Variants in PBK observed in about 807,000 individuals in gnomAD.
The protein encoded by PBK is lymphokine-activated killer T-cell-originated protein kinase.
Under a neutral mutation model 33.5 loss-of-function variants are expected in PBK, and 22 were observed. The ratio of observed to expected loss-of-function variants is 0.66; its 90% CI spans 0.47 to 0.94. PBK has a LOEUF of 0.94. Ranked by LOEUF, PBK falls within the 40% of genes least tolerant of loss-of-function variation. PBK has a pLI of 0.00. For missense variants in PBK, 376 were observed against 383.4 expected, an observed-to-expected ratio of 0.98 and a Z score of 0.16; for synonymous variants, 129 against 123.8, an observed-to-expected ratio of 1.04 and a Z score of -0.28.
intron 6 of PBK, among the ~76,000 whole-genome samples, chr8:27,817,170 G>A (rs928995792): frequency 1.3e-5 from 2 of 151,858 alleles, no homozygotes; most frequent in East Asian, 1.9e-4. Flanking sequence ...TTTCCCACAC[G>A]CTTAAAAATA....
intron 2 of PBK, among the ~76,000 whole-genome samples, chr8:27,832,606 C>T (rs1457873229): frequency 1.3e-5 from 2 of 152,120 alleles, no homozygotes; most frequent in African/African-American, 4.8e-5. Flanking sequence ...AGAATATTTT[C>T]TCATGTTATT....
At chr8:27,826,756 A>G in intron 3 of PBK, among the ~76,000 whole-genome samples, 1 of 105,370 alleles carries the variant, frequency 9.5e-6, no homozygotes, top group Non-Finnish European at 1.8e-5. Flanking sequence ...AGATCGCGCC[A>G]CTGCACTCCA....
At position 27,816,343 on chromosome 8, in the gene PBK, C is replaced by CTATATATATATATA. The variant is rs767822258; in HGVS notation, c.595+4208_595+4221dup. 1.4e-4 allele frequency among the ~76,000 whole-genome samples: 19 copies of CTATATATATATATA among 136,380 alleles called. 1 individual carries two copies. The highest frequency in any genetic ancestry group is 4.4e-4 in the Admixed American group (6 of 13,678). 89.5% of individuals were successfully genotyped at this position (136,380 alleles called of 152,430 possible). The stretch of plus-strand genomic sequence containing the variant: ...TAAGATTTTGGCTTTTCATCGAATA[C>CTATATATATATATA]TATATATATATATATTTATTTATTT... On this transcript the variant is annotated intron_variant, in intron 6 of 7. Transcript: ENST00000301905.
At chr8:27,820,073 G>T (rs1006550851) in intron 6 of PBK, among the ~76,000 whole-genome samples, 2 of 152,024 alleles carry the variant, frequency 1.3e-5, no homozygotes, top group Admixed American at 1.3e-4. Context: ...GCTGGCTCTT[G>T]TTTCTCACCA....
At chr8:27,833,504 C>T (rs493170) in intron 1 of PBK, among the ~76,000 whole-genome samples, 4,287 of 146,050 alleles carry the variant, frequency 0.029, 84 homozygotes, top group African/African-American at 0.059. Flanking sequence ...AGCAAAACTC[C>T]GTCTCAAAAA....
rs1433152407 is a variant in PBK, at chr8:27,822,491, T to C, written c.296-3A>G. 2 of 1,582,296 alleles carry C rather than the reference T, an allele frequency of 1.3e-6. No homozygotes were observed. The highest frequency in any genetic ancestry group is 1.7e-6 in the Non-Finnish European group (2 of 1,163,876). On this transcript the variant is annotated splice_region_variant and splice_polypyrimidine_tract_variant and intron_variant, in intron 4 of 7. Coordinates refer to ENST00000301905, the MANE Select transcript of PBK (RefSeq NM_018492.4). Reference sequence around the variant, plus strand: ...GGCTTCAGTAAAAGCACGATAACCTTAAAGAAAACATGACATTTCTTCACT... The same window carrying C: ...GGCTTCAGTAAAAGCACGATAACCTCAAAGAAAACATGACATTTCTTCACT...
chr8:27,817,468 T>G (rs1805840357), intron 6 of PBK, among the ~76,000 whole-genome samples: 5 of 152,156 alleles, frequency 3.3e-5, no homozygotes. Flanking sequence ...CCTTGCAGAT[T>G]TAATGTGTTA....
At chr8:27,828,285 T>C in intron 2 of PBK, 87 bp from the exon 3 acceptor site, 1 of 574,564 alleles carries the variant, frequency 1.7e-6, no homozygotes, top group Non-Finnish European at 3.0e-6. Context: ...GCCAAGAGTA[T>C]TAATTGGCAC....
chr8:27,834,265 A>G (rs1806187477), intron 1 of PBK, among the ~76,000 whole-genome samples: 1 of 152,020 alleles, frequency 6.6e-6, no homozygotes, highest in East Asian at 1.9e-4. Context: ...CGACCTTGTG[A>G]TAATGCCCGC....
At position 27,810,461 on chromosome 8, in the gene PBK, G is replaced by A. The variant is rs1181790703; in HGVS notation, c.813C>T (p.Tyr271=). 6.2e-7 allele frequency: 1 copy of A among 1,606,286 alleles called. No homozygotes were observed. The highest frequency in any genetic ancestry group is 1.1e-5 in the South Asian group (1 of 90,448). The stretch of plus-strand genomic sequence containing the variant: ...GTGGCCTAGTTCCCAACGCTGCATA[G>A]TATGCTTCATCATCAAAATCACTTT... ...FDESDFDDEA[Y]YAALGTRPPI... is the part of the protein sequence containing the mutation. The change falls in exon 8 of 8, where the codon TAC becomes TAT. Residue 271 remains tyrosine (Y), a synonymous_variant. Coordinates refer to ENST00000301905, the MANE Select transcript of PBK (RefSeq NM_018492.4).
rs35230929 is a variant in PBK, at chr8:27,828,125, T to C, written c.132A>G (p.Val44=). The C allele has an allele frequency of 2.1e-3, 3,219 of 1,553,634 alleles. 41 individuals carry two copies. In the African/African-American group the frequency reaches 0.033, roughly 16 times the overall value. ...CTTACCTTTTCATTAGGTACACATT[T>C]ACCCCAGTACCAAAGCCAAGCTTCT... ...FMQKLGFGTG[V]NVYLMKRSPR... The change falls in exon 3 of 8, where the codon GTA becomes GTG. Residue 44 remains valine, a synonymous_variant. Transcript: ENST00000301905.
intron 6 of PBK, among the ~76,000 whole-genome samples, chr8:27,819,041 A>C (rs1805870564): frequency 6.6e-6 from 1 of 152,020 alleles, no homozygotes; most frequent in Non-Finnish European, 1.5e-5. Context: ...CTATTTCCTG[A>C]CTCTCATGTT....
rs1300967663 is a variant in PBK, at chr8:27,820,562, T to TA, written c.595+2dup. 1.3e-6 allele frequency: 2 copies of TA among 1,549,784 alleles called. No homozygotes were observed. Among genetic ancestry groups the TA allele is most frequent in the Non-Finnish European group, 1.8e-6 (2 of 1,137,548 alleles). On this transcript the variant is annotated splice_region_variant and intron_variant, in intron 6 of 7. Transcript: ENST00000301905. ...AATTTTAAAACTTAAGAGTACAACT[T>TA]ACCAGTCATATTTTCATCCAGTGGT...
chr8:27,823,272 C>A, intron 3 of PBK, 67 bp from the exon 4 acceptor site: 2 of 1,060,136 alleles, frequency 1.9e-6, no homozygotes, highest in African/African-American at 1.6e-5. Flanking sequence ...AAAATGACTT[C>A]CAAATTTTTG....
Position 27,822,463 on chromosome 8 carries a change from A to C in PBK, c.321T>G (p.Asn107Lys). 2 of 1,608,656 alleles carry C rather than the reference A, an allele frequency of 1.2e-6. No individual in the cohort carries two copies. Among genetic ancestry groups the C allele is most frequent in the Non-Finnish European group, 1.7e-6 (2 of 1,177,712 alleles). The change falls in exon 5 of 8, where the codon AAT becomes AAG. Residue 107 changes from asparagine (N) to lysine (K), a missense_variant. Transcript: ENST00000301905. ...CCATAGCAAGACACAGACTGCCATC[A>C]TTGGCTTCAGTAAAAGCACGATAAC... ...IVGYRAFTEANDGSLCLAMEY... is the reference protein window; with the variant it reads ...IVGYRAFTEAKDGSLCLAMEY...
chr8:27,832,287 A>T (rs953653239), intron 2 of PBK, among the ~76,000 whole-genome samples: 9 of 152,182 alleles, frequency 5.9e-5, no homozygotes, highest in Non-Finnish European at 1.3e-4. Flanking sequence ...AATAGAAGAA[A>T]AATTCCTCAA....
intron 3 of PBK, among the ~76,000 whole-genome samples, chr8:27,825,153 C>T (rs1356480251): frequency 1.3e-5 from 2 of 152,132 alleles, no homozygotes; most frequent in Non-Finnish European, 2.9e-5. Context: ...TTAAAAAGCA[C>T]GTAGGCCTGG....
At chr8:27,813,697 C>A (rs981709624) in intron 6 of PBK, among the ~76,000 whole-genome samples, 1 of 151,974 alleles carries the variant, frequency 6.6e-6, no homozygotes, top group Admixed American at 6.6e-5. Context: ...ACAAAGGGCA[C>A]GAAGCTTCCA....
At chr8:27,813,354 C>G (rs1162602502) in intron 6 of PBK, among the ~76,000 whole-genome samples, 1 of 152,042 alleles carries the variant, frequency 6.6e-6, no homozygotes, top group Non-Finnish European at 1.5e-5. Flanking sequence ...GGAGAAATAC[C>G]TAATGTAAAT....
Sources: allele counts gnomAD v4.1 joint callset (sites outside exome capture counted in the v4.1 genomes callset), GRCh38; gene constraint gnomAD v4.1.1; transcripts MANE v1.5; gene names NCBI Gene and HGNC (gene_info 2026-07-23, HGNC 2026-07-21).